MLLT3: variants seen among roughly 807,000 people sequenced by gnomAD.
MLLT3 encodes protein AF-9.
Under a neutral mutation model 53.2 loss-of-function variants are expected in MLLT3, and 4 were observed. The ratio of observed to expected loss-of-function variants is 0.08; its 90% CI spans 0.04 to 0.17. MLLT3 has a LOEUF of 0.17. Ranked by LOEUF, MLLT3 falls within the 10% of genes least tolerant of loss-of-function variation. The probability of loss-of-function intolerance (pLI) is 1.00; values close to 1 mark genes in which losing one functional copy is unlikely to be tolerated. For synonymous variants in MLLT3, 283 were observed against 230.6 expected, an observed-to-expected ratio of 1.23 and a Z score of -2.06; for missense variants, 569 against 684.0, an observed-to-expected ratio of 0.83 and a Z score of 1.87.
At chr9:20,433,124 T>C (rs1294908753) in intron 4 of MLLT3, among the ~76,000 whole-genome samples, 11 of 151,970 alleles carry the variant, frequency 7.2e-5, no homozygotes, top group Non-Finnish European at 1.5e-5. Context: ...GAGGAACGGC[T>C]ACAGGTGGAG....
chr9:20,575,859 A>G (rs527258644), intron 2 of MLLT3, among the ~76,000 whole-genome samples: 1 of 152,322 alleles, frequency 6.6e-6, no homozygotes, highest in Admixed American at 6.5e-5. Flanking sequence ...GGCTTCAACT[A>G]AAAGTCAGCA....
intron 2 of MLLT3, among the ~76,000 whole-genome samples, chr9:20,470,183 A>G (rs1341884736): frequency 6.7e-6 from 1 of 149,940 alleles, no homozygotes; most frequent in Non-Finnish European, 1.5e-5. Flanking sequence ...CTGTGTACAC[A>G]TACTACCTTC....
At chr9:20,612,908 T>G (rs1217602831) in intron 2 of MLLT3, among the ~76,000 whole-genome samples, 5 of 152,182 alleles carry the variant, frequency 3.3e-5, no homozygotes, top group Non-Finnish European at 7.3e-5. Context: ...AAGACACACG[T>G]GCCCACAACT....
intron 2 of MLLT3, among the ~76,000 whole-genome samples, chr9:20,529,564 C>T (rs1158972000): frequency 6.6e-6 from 1 of 151,994 alleles, no homozygotes; most frequent in Non-Finnish European, 1.5e-5. Flanking sequence ...GTATCAAATG[C>T]TTGTTTGGAA....
intron 2 of MLLT3, among the ~76,000 whole-genome samples, chr9:20,612,704 G>T (rs1018573444): frequency 6.6e-6 from 1 of 151,864 alleles, no homozygotes; most frequent in African/African-American, 2.4e-5. Flanking sequence ...TATATAAAAT[G>T]CTTAATCCCA....
chr9:20,572,636 A>C (rs1819558512), intron 2 of MLLT3, among the ~76,000 whole-genome samples: 1 of 152,112 alleles, frequency 6.6e-6, no homozygotes, highest in South Asian at 2.1e-4. Flanking sequence ...TCTACTAAAA[A>C]TATAAAAATT....
intron 2 of MLLT3, among the ~76,000 whole-genome samples, chr9:20,483,076 G>C (rs1824705632): frequency 1.3e-5 from 2 of 151,778 alleles, no homozygotes; most frequent in South Asian, 4.1e-4. Flanking sequence ...AACAAACTGT[G>C]GAAAAGAAAA....
chr9:20,460,814 G>A (rs554007939), intron 2 of MLLT3, among the ~76,000 whole-genome samples: 43 of 152,248 alleles, frequency 2.8e-4, no homozygotes, highest in African/African-American at 8.2e-4. Context: ...CTCCAAACTC[G>A]CTACAATCAA....
At chr9:20,468,369 T>C (rs1184807193) in intron 2 of MLLT3, among the ~76,000 whole-genome samples, 1 of 152,186 alleles carries the variant, frequency 6.6e-6, no homozygotes, top group East Asian at 1.9e-4. Flanking sequence ...AAGAAAATGT[T>C]CCTCACTTGG....
intron 2 of MLLT3, among the ~76,000 whole-genome samples, chr9:20,550,638 T>C (rs913656068): frequency 2.0e-5 from 3 of 152,200 alleles, no homozygotes; most frequent in African/African-American, 7.2e-5. Flanking sequence ...CAGGCTAGTC[T>C]TGAACTTCCT....
intron 2 of MLLT3, among the ~76,000 whole-genome samples, chr9:20,471,037 T>C (rs1448186017): frequency 6.6e-6 from 1 of 151,880 alleles, no homozygotes; most frequent in African/African-American, 2.4e-5. Flanking sequence ...GTCACATAAA[T>C]CTATAACATA....
At chr9:20,398,786 G>A (rs746383150) in intron 5 of MLLT3, among the ~76,000 whole-genome samples, 12 of 151,968 alleles carry the variant, frequency 7.9e-5, no homozygotes, top group East Asian at 1.9e-4. Flanking sequence ...CAAATGTCTC[G>A]GAATTTTAGA....
At chr9:20,465,709 A>G (rs371175757) in intron 2 of MLLT3, among the ~76,000 whole-genome samples, 81 of 152,230 alleles carry the variant, frequency 5.3e-4, no homozygotes, top group South Asian at 5.2e-3. Context: ...CAGAGGAAGG[A>G]TTAAGAACAA....
Position 20,448,395 on chromosome 9 carries a change from G to T in MLLT3, c.277-129C>A. The T allele has an allele frequency of 1.4e-6, 1 of 703,166 alleles. No homozygotes were observed. The highest frequency in any genetic ancestry group is 2.2e-6 in the Non-Finnish European group (1 of 452,780). 43.6% of individuals were successfully genotyped at this position (703,166 alleles called of 1,614,324 possible). ...ATCTAACAGCTAAACTGTCAAAGTA[G>T]TACTGGGAAAAAAAAAAGTATCATG... is the stretch of plus-strand genomic sequence containing the variant. On this transcript the variant is annotated intron_variant, in intron 3 of 10. Transcript: ENST00000380338. This position sits in a 1 kb window ranked among gnomAD's most constrained non-coding sequence, Gnocchi z 4.0.
chr9:20,414,284 T>C lies in MLLT3; in HGVS notation c.562A>G (p.Ser188Gly). ...SSSSSSSSSSSSSTSFSKPHK... is the reference protein window; with the variant it reads ...SSSSSSSSSSGSSTSFSKPHK... Reference sequence around the variant, plus strand: ...GGCTTTGAAAAACTGGTACTACTGCTGCTGCTGCTGCTGCTACTGCTGCTG... The same window carrying C: ...GGCTTTGAAAAACTGGTACTACTGCCGCTGCTGCTGCTGCTACTGCTGCTG... The change falls in exon 5 of 11, where the codon AGC becomes GGC. Residue 188 changes from serine to glycine, a missense_variant. Physicochemically the swap from Ser to Gly is moderately conservative, Grantham distance 56. Coordinates refer to ENST00000380338, the MANE Select transcript of MLLT3 (RefSeq NM_004529.4). 1.2e-6 allele frequency: 2 copies of C among 1,612,078 alleles called. No homozygotes were observed. Among genetic ancestry groups the C allele is most frequent in the Non-Finnish European group, 1.7e-6 (2 of 1,179,186 alleles).
chr9:20,530,625 T>C (rs1818307620), intron 2 of MLLT3, among the ~76,000 whole-genome samples: 1 of 152,230 alleles, frequency 6.6e-6, no homozygotes, highest in South Asian at 2.1e-4. Flanking sequence ...AGTTACTGAA[T>C]ATAAACAGGT....
chr9:20,558,689 A>C (rs1260630416), intron 2 of MLLT3, among the ~76,000 whole-genome samples: 2 of 152,232 alleles, frequency 1.3e-5, no homozygotes, highest in African/African-American at 4.8e-5. Flanking sequence ...ATTTTTAAAC[A>C]AACCCCCAGG....
chr9:20,462,400 TA>T (rs928218995), intron 2 of MLLT3, among the ~76,000 whole-genome samples: 1 of 152,192 alleles, frequency 6.6e-6, no homozygotes, highest in African/African-American at 2.4e-5. Context: ...TTGGATCTTT[TA>T]AAAAATTCAA....
chr9:20,521,148 G>A (rs1481383560), intron 2 of MLLT3, among the ~76,000 whole-genome samples: 1 of 151,482 alleles, frequency 6.6e-6, no homozygotes. Context: ...TCGGCTCACT[G>A]CAACCTCCAC....
Sources: allele counts gnomAD v4.1 joint callset (sites outside exome capture counted in the v4.1 genomes callset), GRCh38; gene constraint gnomAD v4.1.1; non-coding constraint Gnocchi (gnomAD v3.1); transcripts MANE v1.5; gene names NCBI Gene and HGNC (gene_info 2026-07-23, HGNC 2026-07-21).